CTDSPL2: variants seen among roughly 807,000 people sequenced by gnomAD.
The protein encoded by CTDSPL2 is CTD small phosphatase-like protein 2.
CTDSPL2 carries 5 observed loss-of-function variants against 60.0 expected under a neutral mutation model. The ratio of observed to expected loss-of-function variants is 0.08; its 90% confidence interval spans 0.04 to 0.18. CTDSPL2 has a LOEUF of 0.18. CTDSPL2 is among the 10% of genes least tolerant of loss of function. CTDSPL2 has a pLI of 1.00. For missense variants in CTDSPL2, 370 were observed against 548.8 expected (o/e 0.67, Z 3.26); for synonymous variants, 186 against 189.3 (o/e 0.98, Z 0.14).
chr15:44,492,128 G>A (rs983105664), intron 5 of CTDSPL2, among the ~76,000 whole-genome samples: 3 of 151,844 alleles, frequency 2.0e-5, no homozygotes, highest in Non-Finnish European at 2.9e-5. Flanking sequence ...CTCGGCCTCC[G>A]AAAGTGCTGG....
chr15:44,514,800 A>C lies in CTDSPL2; in HGVS notation c.1068A>C (p.Ala356=), dbSNP rs760965947. ...TTACTGCTTCTAAGAAGGTGTATGC[A>C]GACAAGTTACTGAACATACTAGACC... ...ILFTASKKVY[A]DKLLNILDPK... Residue 356 remains alanine (A), a synonymous_variant, in exon 10 of 13, where the codon GCA becomes GCC. Transcript: ENST00000260327. 1 of 1,608,860 alleles carries C rather than the reference A, an allele frequency of 6.2e-7. No individual in the cohort carries two copies.
intron 4 of CTDSPL2, 43 bp from the exon 5 acceptor site, chr15:44,490,741 G>A (rs778751700): frequency 6.8e-7 from 1 of 1,463,880 alleles, no homozygotes; most frequent in Admixed American, 1.7e-5. Flanking sequence ...TTCTAAATAG[G>A]TGCATTTTTA....
chr15:44,504,927 A>G (rs767538109), intron 8 of CTDSPL2, among the ~76,000 whole-genome samples: 2 of 152,172 alleles, frequency 1.3e-5, no homozygotes, highest in African/African-American at 2.4e-5. Context: ...ACTACTTTAG[A>G]ATAATTTTAA....
chr15:44,440,525 A>G (rs993975819), intron 1 of CTDSPL2, among the ~76,000 whole-genome samples: 1 of 152,122 alleles, frequency 6.6e-6, no homozygotes, highest in South Asian at 2.1e-4. Flanking sequence ...AATTCTCCTT[A>G]AAAGTATATA....
chr15:44,490,766 A>G lies in CTDSPL2; in HGVS notation c.476-18A>G. 3 of 1,595,690 alleles carry G rather than the reference A, an allele frequency of 1.9e-6. No homozygotes were observed. Among genetic ancestry groups the G allele is most frequent in the Non-Finnish European group, 2.6e-6 (3 of 1,164,750 alleles). ...GTGCATTTTTAAATGATGATAGTAC[A>G]CTGAATCATGATTTCAGGAACGTCA... On this transcript the variant is annotated intron_variant, in intron 4 of 12. Coordinates refer to ENST00000260327, the MANE Select transcript of CTDSPL2 (RefSeq NM_016396.3).
At chr15:44,439,679 A>G (rs2080046781) in intron 1 of CTDSPL2, among the ~76,000 whole-genome samples, 1 of 152,058 alleles carries the variant, frequency 6.6e-6, no homozygotes, top group South Asian at 2.1e-4. Context: ...TAATTTATCT[A>G]GTAATGGAAC....
intron 8 of CTDSPL2, among the ~76,000 whole-genome samples, chr15:44,508,394 C>G (rs560547178): frequency 6.6e-6 from 1 of 152,178 alleles, no homozygotes; most frequent in South Asian, 2.1e-4. Flanking sequence ...CCACACCTGG[C>G]TGCATCTCAT....
chr15:44,446,975 G>C (rs2080230862), intron 1 of CTDSPL2, among the ~76,000 whole-genome samples: 2 of 151,920 alleles, frequency 1.3e-5, no homozygotes, highest in Non-Finnish European at 2.9e-5. Context: ...GGCTGGTCTC[G>C]AACTCCAGAC....
intron 11 of CTDSPL2, 66 bp downstream of exon 11, chr15:44,519,361 C>G: frequency 7.8e-7 from 1 of 1,286,014 alleles, no homozygotes; most frequent in Non-Finnish European, 1.1e-6. Flanking sequence ...TGCTGCCAAA[C>G]AGAATATGAT....
At chr15:44,486,477 A>C in intron 3 of CTDSPL2, 74 bp from the exon 4 acceptor site, 1 of 1,057,480 alleles carries the variant, frequency 9.5e-7, no homozygotes, top group Non-Finnish European at 1.3e-6. Context: ...TTACTTCTAT[A>C]ATGAATGATT....
intron 3 of CTDSPL2, 109 bp from the exon 4 acceptor site, chr15:44,486,442 G>T (rs887181399): frequency 1.4e-6 from 1 of 722,864 alleles, no homozygotes; most frequent in Non-Finnish European, 2.1e-6. Flanking sequence ...ATTAGCTTTC[G>T]TGAAGTATTT....
At chr15:44,455,055 A>C (rs184329949) in intron 1 of CTDSPL2, among the ~76,000 whole-genome samples, 2 of 152,330 alleles carry the variant, frequency 1.3e-5, no homozygotes, top group East Asian at 3.9e-4. Flanking sequence ...CTTCCTACCC[A>C]TGAGCATGGA....
At chr15:44,477,967 G>C (rs1488845033) in intron 2 of CTDSPL2, among the ~76,000 whole-genome samples, 1 of 152,042 alleles carries the variant, frequency 6.6e-6, no homozygotes, top group Non-Finnish European at 1.5e-5. Flanking sequence ...ACTTTATTTA[G>C]TATGTGTTTC....
In CTDSPL2 at chr15:44,524,234, A is replaced by G; in HGVS notation, c.*60A>G. On this transcript the variant is annotated 3_prime_UTR_variant, in exon 13 of 13. Coordinates refer to ENST00000260327, the MANE Select transcript of CTDSPL2 (RefSeq NM_016396.3). ...GAATGCAGGACCCTTTTGGACTAAG[A>G]CAAAAACATTGCCATTACTGTTGAA... is the stretch of plus-strand genomic sequence containing the variant. 1.4e-6 allele frequency: 2 copies of G among 1,390,070 alleles called. No homozygotes were observed. Among genetic ancestry groups the G allele is most frequent in the Non-Finnish European group, 2.0e-6 (2 of 980,766 alleles). The allele number at this position is 1,390,070 out of a possible 1,614,324, so 86.1% of individuals were successfully genotyped here. A position where few individuals can be genotyped will look rare whatever the true frequency, so the allele number is the denominator to read the frequency against.
At chr15:44,472,774 C>T (rs2080837299) in intron 2 of CTDSPL2, among the ~76,000 whole-genome samples, 1 of 152,222 alleles carries the variant, frequency 6.6e-6, no homozygotes, top group African/African-American at 2.4e-5. Flanking sequence ...AGCAATTCCC[C>T]TGCCTCAGCC....
rs1595731798 is a variant in CTDSPL2 at position 44,471,387 on chromosome 15, A to G, written c.186+12187A>G. Among the ~76,000 whole-genome samples the G allele has an allele frequency of 3.3e-5, 5 of 152,266 alleles. No individual in the cohort carries two copies. In the South Asian group the frequency reaches 1.0e-3, roughly 32 times the overall value. On this transcript the variant is annotated intron_variant, in intron 2 of 12. Transcript: ENST00000260327. The stretch of plus-strand genomic sequence containing the variant: ...ATATAATTTATATACCAGAAAATTC[A>G]CCCATTTTTTTGAAGTGTAGAAGCT...
chr15:44,478,452 CAAAAAAAAAAAAAAAAA>C (rs61080056), intron 2 of CTDSPL2, among the ~76,000 whole-genome samples: 8 of 37,994 alleles, frequency 2.1e-4, no homozygotes, highest in African/African-American at 4.5e-4. Context: ...GACTCTGTCT[CAAAAAAAAAAAAAAAAA>C]AAAAAAAAAA....
At chr15:44,457,563 G>A (rs1486436043) in intron 1 of CTDSPL2, among the ~76,000 whole-genome samples, 6 of 149,612 alleles carry the variant, frequency 4.0e-5, no homozygotes, top group Non-Finnish European at 5.9e-5. Flanking sequence ...TGCTTTGTTA[G>A]CCTTTGTGTG....
rs2140844830 is a variant in CTDSPL2 at position 44,505,882 on chromosome 15, CA to C, written c.969+6070del. 2.6e-5 allele frequency among the ~76,000 whole-genome samples: 4 copies of C among 151,940 alleles called. 1 individual carries two copies. Among genetic ancestry groups the C allele is most frequent in the African/African-American group, 9.7e-5 (4 of 41,442 alleles). ...GTTTAGAGTTTGAGTTTAAAGGTAACATTTTTGTTTTACTAAAATGGCCATT... is the reference window on the plus strand; with the variant it reads ...GTTTAGAGTTTGAGTTTAAAGGTAACTTTTTGTTTTACTAAAATGGCCATT... On this transcript the variant is annotated intron_variant, in intron 8 of 12. Transcript: ENST00000260327.
Sources: allele counts gnomAD v4.1 joint callset (sites outside exome capture counted in the v4.1 genomes callset), GRCh38; gene constraint gnomAD v4.1.1; transcripts MANE v1.5; gene names NCBI Gene and HGNC (gene_info 2026-07-23, HGNC 2026-07-21).